Variants in NRG3 observed in about 807,000 individuals in gnomAD.
NRG3 encodes neuregulin 3.
In NRG3, 31 loss-of-function variants were observed where a neutral mutation model predicts 66.9. The observed-to-expected ratio is 0.46, with a 90% CI of 0.35 to 0.63. The LOEUF (loss-of-function observed/expected upper bound fraction) is 0.63, where lower values mean the gene tolerates loss of function less well. Ranked by LOEUF, NRG3 falls within the 20% of genes least tolerant of loss-of-function variation. The pLI is 0.00. For missense variants in NRG3, 910 were observed against 878.9 expected, an observed-to-expected ratio of 1.04 and a Z score of -0.45; for synonymous variants, 393 against 359.4, an observed-to-expected ratio of 1.09 and a Z score of -1.06.
intron 1 of NRG3, among the ~76,000 whole-genome samples, chr10:82,058,826 G>C (rs2063979484): frequency 6.6e-6 from 1 of 152,008 alleles, no homozygotes; most frequent in East Asian, 1.9e-4. Context: ...TCTTATTTAG[G>C]GTGATATATT....
intron 1 of NRG3, among the ~76,000 whole-genome samples, chr10:82,306,736 A>G (rs1167066839): frequency 8.3e-6 from 1 of 120,066 alleles, no homozygotes; most frequent in African/African-American, 3.1e-5. Context: ...AAAAAAAAAA[A>G]GTCTGGCAGA....
chr10:81,964,395 C>CAAAAAAAAAA, intron 1 of NRG3, among the ~76,000 whole-genome samples: 1 of 65,848 alleles, frequency 1.5e-5, no homozygotes, highest in Non-Finnish European at 3.2e-5. Flanking sequence ...GACTCTGTCT[C>CAAAAAAAAAA]AAAAAAAAAA....
chr10:82,823,323 C>T (rs922211011), intron 3 of NRG3, among the ~76,000 whole-genome samples: 3 of 152,078 alleles, frequency 2.0e-5, no homozygotes, highest in East Asian at 3.9e-4. Flanking sequence ...GATGTTCTAA[C>T]GATTTAGAGA....
intron 1 of NRG3, among the ~76,000 whole-genome samples, chr10:82,125,827 C>T (rs2068412478): frequency 6.6e-6 from 1 of 151,976 alleles, no homozygotes; most frequent in African/African-American, 2.4e-5. Context: ...TCTTTATCTT[C>T]AATGTTGCTA....
chr10:82,112,933 T>A (rs894330238), intron 1 of NRG3, among the ~76,000 whole-genome samples: 5 of 152,124 alleles, frequency 3.3e-5, no homozygotes, highest in Non-Finnish European at 1.5e-5. Flanking sequence ...TTGTGCCCCA[T>A]GGTTGATGAA....
At chr10:82,398,554 TG>T (rs1378535600) in intron 2 of NRG3, among the ~76,000 whole-genome samples, 1 of 150,240 alleles carries the variant, frequency 6.7e-6, no homozygotes, top group Non-Finnish European at 1.5e-5. Flanking sequence ...AGTATGAGTG[TG>T]TGCCTGGCAA....
chr10:82,358,701 A>G, intron 1 of NRG3, 38 bp from the exon 2 acceptor site: 1 of 1,613,098 alleles, frequency 6.2e-7, no homozygotes, highest in Non-Finnish European at 8.5e-7. Context: ...GTCAGAATGT[A>G]CTGCTGACAG....
chr10:82,298,047 G>A (rs1305039343), intron 1 of NRG3, among the ~76,000 whole-genome samples: 1 of 152,116 alleles, frequency 6.6e-6, no homozygotes, highest in Admixed American at 6.5e-5. Flanking sequence ...GAGAGGCTGA[G>A]GTGAGAGGAT....
chr10:82,677,326 C>T (rs1380047373), intron 2 of NRG3, among the ~76,000 whole-genome samples: 1 of 152,086 alleles, frequency 6.6e-6, no homozygotes, highest in Non-Finnish European at 1.5e-5. Flanking sequence ...TAGGCGCGAG[C>T]CACTACACCT....
chr10:82,171,739 A>G (rs1323042161), intron 1 of NRG3, among the ~76,000 whole-genome samples: 1 of 152,136 alleles, frequency 6.6e-6, no homozygotes, highest in Non-Finnish European at 1.5e-5. Context: ...TTGCTTCATG[A>G]TTCAAAATAA....
At chr10:82,201,229 T>C (rs1391736982) in intron 1 of NRG3, among the ~76,000 whole-genome samples, 1 of 148,110 alleles carries the variant, frequency 6.8e-6, no homozygotes, top group Non-Finnish European at 1.5e-5. Context: ...ACAGCTGTGG[T>C]TTCAGGCTGG....
intron 2 of NRG3, among the ~76,000 whole-genome samples, chr10:82,567,778 G>T (rs1590701863): frequency 6.6e-6 from 1 of 151,924 alleles, no homozygotes; most frequent in East Asian, 1.9e-4. Context: ...TTCAGAGGTA[G>T]TTTCTTTACA....
chr10:82,619,287 G>A (rs1470970026), intron 2 of NRG3, among the ~76,000 whole-genome samples: 2 of 152,176 alleles, frequency 1.3e-5, no homozygotes, highest in Non-Finnish European at 2.9e-5. Context: ...ATGGGGCAGG[G>A]GAGCCTTTAA....
chr10:82,982,006 C>A (rs1333259290), intron 8 of NRG3, among the ~76,000 whole-genome samples: 1 of 152,132 alleles, frequency 6.6e-6, no homozygotes, highest in African/African-American at 2.4e-5. Flanking sequence ...AAATGGCTAG[C>A]CCAAAGTGAC....
At chr10:82,688,168 A>G (rs899428047) in intron 2 of NRG3, among the ~76,000 whole-genome samples, 2 of 152,206 alleles carry the variant, frequency 1.3e-5, no homozygotes, top group Non-Finnish European at 2.9e-5. Context: ...TTCCTCAGTC[A>G]TAGCTATTTA....
chr10:81,880,997 C>G (rs772973098), intron 1 of NRG3, among the ~76,000 whole-genome samples: 4 of 152,126 alleles, frequency 2.6e-5, no homozygotes, highest in African/African-American at 9.7e-5. Flanking sequence ...TGCAATATCA[C>G]AATCAAAACT....
At chr10:82,609,689 C>T (rs1305107926) in intron 2 of NRG3, among the ~76,000 whole-genome samples, 1 of 151,634 alleles carries the variant, frequency 6.6e-6, no homozygotes, top group African/African-American at 2.4e-5. Flanking sequence ...CATGATTGTA[C>T]CAAACCTTAT....
intron 2 of NRG3, among the ~76,000 whole-genome samples, chr10:82,558,982 C>T (rs1322350752): frequency 2.0e-5 from 3 of 152,062 alleles, no homozygotes; most frequent in African/African-American, 7.2e-5. Context: ...AATTCAAAAT[C>T]ACATGAAATT....
chr10:82,556,627 A>G (rs1321601695), intron 2 of NRG3, among the ~76,000 whole-genome samples: 3 of 152,128 alleles, frequency 2.0e-5, no homozygotes, highest in Non-Finnish European at 4.4e-5. Flanking sequence ...AATTTTCATT[A>G]GGCAAATATT....
Sources: gnomAD v4.1 joint callset for allele counts (sites outside exome capture counted in the v4.1 genomes callset) on GRCh38, gnomAD v4.1.1 for gene constraint, MANE v1.5 for transcripts, NCBI Gene and HGNC (gene_info 2026-07-23, HGNC 2026-07-21) for gene names.